Variants in PLA2R1 observed in about 807,000 individuals in gnomAD.
PLA2R1 encodes the protein phospholipase A2 receptor 1.
PLA2R1 carries 158 observed loss-of-function variants against 195.9 expected under a neutral mutation model. That is an observed-to-expected ratio of 0.81 (90% CI 0.71 to 0.92). The LOEUF is 0.92. PLA2R1 is among the 40% of genes least tolerant of loss of function. PLA2R1 has a pLI of 0.00. For synonymous variants in PLA2R1, 586 were observed against 598.2 expected (o/e 0.98, Z 0.30); for missense variants, 1,626 against 1,764.6 (o/e 0.92, Z 1.41).
At chr2:159,995,235 A>T (rs1228749335) in intron 11 of PLA2R1, among the ~76,000 whole-genome samples, 1 of 152,114 alleles carries the variant, frequency 6.6e-6, no homozygotes, top group African/African-American at 2.4e-5. Context: ...ATTCAGAGAC[A>T]ATTTACTCAG....
chr2:160,034,215 C>G (rs187240441), intron 3 of PLA2R1, among the ~76,000 whole-genome samples: 25 of 152,122 alleles, frequency 1.6e-4, no homozygotes, highest in Admixed American at 1.4e-3. Context: ...TTAGATGGTC[C>G]CCTTGGGAAA....
intron 1 of PLA2R1, among the ~76,000 whole-genome samples, chr2:160,061,343 C>G (rs920957891): frequency 6.6e-6 from 1 of 152,208 alleles, no homozygotes; most frequent in Non-Finnish European, 1.5e-5. Flanking sequence ...ACACAACCTT[C>G]TGAGTCTCAT....
At chr2:160,022,571 T>G in intron 7 of PLA2R1, 94 bp downstream of exon 7, 1 of 710,352 alleles carries the variant, frequency 1.4e-6, no homozygotes, top group Non-Finnish European at 2.2e-6. Context: ...AATAACCACT[T>G]TTAAATAGCT....
rs916359159 is a variant in PLA2R1 at position 159,938,988 on chromosome 2, T to C, written c.*2790A>G. ...TCTATAAAGATCCTCAGGTTAGTCA[T>C]AGAACATAATTGACTGTTGGAGGGG... On this transcript the variant is annotated 3_prime_UTR_variant, in exon 30 of 30. Coordinates refer to ENST00000283243, the MANE Select transcript of PLA2R1 (RefSeq NM_007366.5). 1 of 152,194 alleles carries C rather than the reference T, an allele frequency of 6.6e-6. No homozygotes were observed. The highest frequency in any genetic ancestry group is 1.5e-5 in the Non-Finnish European group (1 of 68,030). 9.4% of individuals were successfully genotyped at this position (152,194 alleles called of 1,614,324 possible). A position where few individuals can be genotyped will look rare whatever the true frequency, so the allele number is the denominator to read the frequency against.
intron 20 of PLA2R1, among the ~76,000 whole-genome samples, chr2:159,961,930 C>A (rs1688472861): frequency 6.6e-6 from 1 of 152,112 alleles, no homozygotes; most frequent in Non-Finnish European, 1.5e-5. Context: ...CTCTTTTAAT[C>A]CTAGAAGAAA....
At position 160,020,180 on chromosome 2, in the gene PLA2R1, AGAT is replaced by A; in HGVS notation, c.1375_1377del (p.Ile459del). 1 of 1,612,690 alleles carries A rather than the reference AGAT, an allele frequency of 6.2e-7. No individual in the cohort carries two copies. The highest frequency in any genetic ancestry group is 8.5e-7 in the Non-Finnish European group (1 of 1,178,634). The stretch of plus-strand genomic sequence containing the variant: ...GGCTCAAGTGTGTGCCAATTAGTAA[AGAT>A]GACTGAAGAGTCATTAGACCATTCA... On this transcript the variant is annotated inframe_deletion, in exon 8 of 30. Coordinates refer to ENST00000283243, the MANE Select transcript of PLA2R1 (RefSeq NM_007366.5).
rs1236534969 is a variant in PLA2R1 at position 160,005,779 on chromosome 2, T to C, written c.1707A>G (p.Val569=). 9 of 1,612,962 alleles carry C rather than the reference T, an allele frequency of 5.6e-6. No homozygotes were observed. The East Asian group carries it at 1.3e-4, about 24-fold the overall frequency. The change falls in exon 11 of 30, where the codon GTA becomes GTG. Residue 569 remains valine (V), a synonymous_variant. Coordinates refer to ENST00000283243, the MANE Select transcript of PLA2R1 (RefSeq NM_007366.5). ...AFITSLISSV[V]KMKDSYFWIA... is the part of the protein sequence containing the mutation. The stretch of plus-strand genomic sequence containing the variant: ...TCCAAAAATAACTGTCCTTCATTTT[T>C]ACCACACTACTGATCAAACTGGTAA...
At position 160,020,262 on chromosome 2, in the gene PLA2R1, T is replaced by C; in HGVS notation, c.1296A>G (p.Glu432=). Residue 432 remains glutamate, a splice_region_variant and synonymous_variant, in exon 8 of 30, where the codon GAA becomes GAG. Transcript: ENST00000283243. The part of the protein sequence containing the change: ...VEFLVTLLGD[E]NASETWIGLS... ...AACCAATCCATGTTTCTGATGCATTTTCTGTAAGAGATAAATGTAAATTAC... is the reference window on the plus strand; with the variant it reads ...AACCAATCCATGTTTCTGATGCATTCTCTGTAAGAGATAAATGTAAATTAC... 6.2e-7 allele frequency: 1 copy of C among 1,606,530 alleles called. No homozygotes were observed. Among genetic ancestry groups the C allele is most frequent in the Non-Finnish European group, 8.5e-7 (1 of 1,175,350 alleles).
In PLA2R1 at chr2:160,036,284, C is replaced by A. The variant is rs573582543; in HGVS notation, c.668-3152G>T. Among the ~76,000 whole-genome samples the A allele has an allele frequency of 6.6e-5, 10 of 152,336 alleles. No homozygotes were observed. The East Asian group carries it at 1.9e-3, about 29-fold the overall frequency. ...AATTTTCTTTTCCAAATGTATATCT[C>A]CATAAACTTAGCTATGCATGTCAGA... is the stretch of plus-strand genomic sequence containing the variant. On this transcript the variant is annotated intron_variant, in intron 3 of 29. Transcript: ENST00000283243.
In PLA2R1 at chr2:159,949,562, G is replaced by C. The variant is rs368490036; in HGVS notation, c.3709+46C>G. 102 of 1,388,926 alleles carry C rather than the reference G, an allele frequency of 7.3e-5. No homozygotes were observed. In the African/African-American group the frequency reaches 1.2e-3, roughly 17 times the overall value. 86.0% of individuals were successfully genotyped at this position (1,388,926 alleles called of 1,614,324 possible). The stretch of plus-strand genomic sequence containing the variant: ...TGCTTAGCACAGTGTCTTGCATACA[G>C]TAGTTAAATAAGGTATATTTTTGAG... On this transcript the variant is annotated intron_variant, in intron 25 of 29. Transcript: ENST00000283243.
intron 13 of PLA2R1, among the ~76,000 whole-genome samples, chr2:159,982,369 G>A (rs1438118555): frequency 6.6e-6 from 1 of 152,182 alleles, no homozygotes; most frequent in Non-Finnish European, 1.5e-5. Flanking sequence ...AAGGTGTCCC[G>A]ACCAAGTGTG....
chr2:160,023,616 C>T (rs1000571101), intron 6 of PLA2R1, among the ~76,000 whole-genome samples: 1 of 152,182 alleles, frequency 6.6e-6, no homozygotes, highest in Non-Finnish European at 1.5e-5. Context: ...GCTGAGCAGC[C>T]CAAGCTGCTG....
At chr2:159,962,876 CCTG>C (rs1688543520) in intron 20 of PLA2R1, among the ~76,000 whole-genome samples, 1 of 151,986 alleles carries the variant, frequency 6.6e-6, no homozygotes, top group African/African-American at 2.4e-5. Context: ...CACACCAGGG[CCTG>C]TTGGGGACTG....
intron 3 of PLA2R1, among the ~76,000 whole-genome samples, chr2:160,040,147 G>A (rs1181781803): frequency 6.6e-6 from 1 of 151,998 alleles, no homozygotes; most frequent in African/African-American, 2.4e-5. Flanking sequence ...GAGATCACAT[G>A]CATACACACC....
At chr2:160,031,342 A>G (rs1473515585) in intron 4 of PLA2R1, among the ~76,000 whole-genome samples, 1 of 152,230 alleles carries the variant, frequency 6.6e-6, no homozygotes, top group Non-Finnish European at 1.5e-5. Context: ...ACTAACTTAT[A>G]CTACTATGTA....
intron 17 of PLA2R1, among the ~76,000 whole-genome samples, chr2:159,970,590 C>T (rs943201742): frequency 1.3e-4 from 20 of 152,104 alleles, no homozygotes; most frequent in Admixed American, 1.2e-3. Flanking sequence ...TTGCATATGT[C>T]ACATGTATTT....
intron 20 of PLA2R1, among the ~76,000 whole-genome samples, chr2:159,959,148 T>A (rs974874197): frequency 2.6e-5 from 4 of 152,256 alleles, no homozygotes; most frequent in Admixed American, 1.3e-4. Flanking sequence ...ATTTTGCCTC[T>A]TTCCTCTAAT....
chr2:160,055,985 C>A (rs1573991154), intron 1 of PLA2R1, among the ~76,000 whole-genome samples: 1 of 152,066 alleles, frequency 6.6e-6, no homozygotes, highest in Admixed American at 6.5e-5. Context: ...GCCACTGGGG[C>A]CCTCTGCCCT....
In PLA2R1 at chr2:159,971,472, G is replaced by A. The variant is rs528881626; in HGVS notation, c.2596-1260C>T. On this transcript the variant is annotated intron_variant, in intron 17 of 29. Coordinates refer to ENST00000283243, the MANE Select transcript of PLA2R1 (RefSeq NM_007366.5). The stretch of plus-strand genomic sequence containing the variant: ...TGCATGCATGTGCACACGTGTGTGC[G>A]CGCACACACACACACATACACACAC... Among the ~76,000 whole-genome samples the A allele has an allele frequency of 1.5e-4, 19 of 127,088 alleles. No individual in the cohort carries two copies. The East Asian group carries it at 1.7e-3, about 11-fold the overall frequency. The allele number at this position is 127,088 out of a possible 152,430, so 83.4% of individuals were successfully genotyped here.
Sources: gnomAD v4.1 joint callset for allele counts (sites outside exome capture counted in the v4.1 genomes callset) on GRCh38, gnomAD v4.1.1 for gene constraint, MANE v1.5 for transcripts, NCBI Gene and HGNC (gene_info 2026-07-23, HGNC 2026-07-21) for gene names.